TBC1D19: variants seen among roughly 807,000 people sequenced by gnomAD.
The protein encoded by TBC1D19 is TBC1 domain family, member 19.
TBC1D19 carries 60 observed loss-of-function variants against 89.0 expected under a neutral mutation model. The ratio of observed to expected loss-of-function variants is 0.67; its 90% CI spans 0.55 to 0.84. The LOEUF is 0.84. Ranked by LOEUF, TBC1D19 falls within the 40% of genes least tolerant of loss-of-function variation. TBC1D19 has a pLI of 0.00. For synonymous variants in TBC1D19, 189 were observed against 199.7 expected, an observed-to-expected ratio of 0.95 and a Z score of 0.45; for missense variants, 500 against 610.8, an observed-to-expected ratio of 0.82 and a Z score of 1.91.
chr4:26,588,314 C>T (rs552468461), intron 1 of TBC1D19, among the ~76,000 whole-genome samples: 8 of 152,226 alleles, frequency 5.3e-5, no homozygotes, highest in South Asian at 4.1e-4. Flanking sequence ...CATAAGCCAC[C>T]GCACCTGGCC....
At chr4:26,817,021 A>G in the TBC1D19 span, among the ~76,000 whole-genome samples, 1 of 152,176 alleles carries the variant, frequency 6.6e-6, no homozygotes, top group African/African-American at 2.4e-5. Flanking sequence ...TCACTATGCT[A>G]CTTTAGTAGG....
intron 4 of TBC1D19, among the ~76,000 whole-genome samples, chr4:26,626,521 T>G (rs529838926): frequency 2.4e-4 from 36 of 152,244 alleles, no homozygotes; most frequent in African/African-American, 8.4e-4. Context: ...AGTTCTCACT[T>G]TACAAAATGA....
intron 13 of TBC1D19, among the ~76,000 whole-genome samples, chr4:26,709,047 T>C (rs1470196557): frequency 6.6e-6 from 1 of 151,924 alleles, no homozygotes; most frequent in Non-Finnish European, 1.5e-5. Flanking sequence ...TGTGATCTTG[T>C]TGTTGTTGTT....
intron 13 of TBC1D19, among the ~76,000 whole-genome samples, chr4:26,693,852 G>A (rs990438939): frequency 6.6e-6 from 1 of 152,184 alleles, no homozygotes; most frequent in Non-Finnish European, 1.5e-5. Context: ...GGACTCAAAA[G>A]TATATTTGAA....
the TBC1D19 span, among the ~76,000 whole-genome samples, chr4:26,767,893 A>C: frequency 6.6e-6 from 1 of 152,174 alleles, no homozygotes; most frequent in Non-Finnish European, 1.5e-5. Context: ...AGTTGCCCTA[A>C]CTTGCTGCCT....
At chr4:26,754,100 A>C (rs1719133334) in intron 20 of TBC1D19, 1 of 513,336 alleles carries the variant, frequency 1.9e-6, no homozygotes, top group Non-Finnish European at 3.5e-6. Flanking sequence ...AGTAATAAAC[A>C]AGATTATTAT....
the TBC1D19 span, among the ~76,000 whole-genome samples, chr4:26,851,163 C>G: frequency 1.3e-5 from 2 of 152,180 alleles, no homozygotes; most frequent in African/African-American, 4.8e-5. Flanking sequence ...TTGAGTTACG[C>G]CATTGACTTC....
At chr4:26,818,535 T>A in the TBC1D19 span, among the ~76,000 whole-genome samples, 2 of 152,180 alleles carry the variant, frequency 1.3e-5, no homozygotes, top group Non-Finnish European at 2.9e-5. Flanking sequence ...GGATTACAGA[T>A]GTGAGCCACC....
At chr4:26,707,721 A>G (rs1715849347) in intron 13 of TBC1D19, among the ~76,000 whole-genome samples, 1 of 151,640 alleles carries the variant, frequency 6.6e-6, no homozygotes, top group South Asian at 2.1e-4. Flanking sequence ...TTCCACAGCT[A>G]TTTTCTTTGT....
chr4:26,687,568 A>G (rs1045575852), intron 12 of TBC1D19, among the ~76,000 whole-genome samples: 5 of 152,128 alleles, frequency 3.3e-5, no homozygotes, highest in Non-Finnish European at 7.4e-5. Flanking sequence ...GTACCTATAT[A>G]CTTATGAATT....
chr4:26,753,943 A>G (rs750954723), intron 20 of TBC1D19, 53 bp downstream of exon 20: 3 of 1,602,830 alleles, frequency 1.9e-6, no homozygotes, highest in Non-Finnish European at 2.6e-6. Flanking sequence ...AGAGATTGCC[A>G]GGCTGTCATT....
intron 8 of TBC1D19, among the ~76,000 whole-genome samples, chr4:26,660,794 G>A (rs1267397275): frequency 6.6e-6 from 1 of 152,280 alleles, no homozygotes; most frequent in South Asian, 2.1e-4. Context: ...CTCTACAGAG[G>A]TATGAATCTC....
intron 15 of TBC1D19, among the ~76,000 whole-genome samples, chr4:26,723,691 A>G (rs1486927187): frequency 6.6e-6 from 1 of 152,188 alleles, no homozygotes; most frequent in East Asian, 1.9e-4. Context: ...GAAGAATTTT[A>G]TAAGCTTTTT....
chr4:26,587,757 C>A (rs1310453718), intron 1 of TBC1D19, among the ~76,000 whole-genome samples: 1 of 151,554 alleles, frequency 6.6e-6, no homozygotes, highest in Admixed American at 6.6e-5. Context: ...GAGTTCCCAG[C>A]AAAGTCACTG....
intron 1 of TBC1D19, among the ~76,000 whole-genome samples, chr4:26,603,205 G>A (rs1344763997): frequency 6.6e-6 from 1 of 152,104 alleles, no homozygotes; most frequent in Non-Finnish European, 1.5e-5. Context: ...TGATGGAATC[G>A]CAATACTTAC....
At chr4:26,767,175 A>C in the TBC1D19 span, among the ~76,000 whole-genome samples, 9 of 152,194 alleles carry the variant, frequency 5.9e-5, no homozygotes, top group Non-Finnish European at 8.8e-5. Flanking sequence ...ATTTCAGTCA[A>C]CTGATTAATA....
intron 8 of TBC1D19, 108 bp from the exon 9 acceptor site, chr4:26,666,225 T>C (rs1321588412): frequency 1.2e-6 from 1 of 853,608 alleles, no homozygotes. Flanking sequence ...CAAAGCCTCA[T>C]TTCACACTGT....
chr4:26,719,378 A>G (rs1038330345), intron 14 of TBC1D19, among the ~76,000 whole-genome samples: 5 of 152,104 alleles, frequency 3.3e-5, no homozygotes, highest in Non-Finnish European at 7.4e-5. Flanking sequence ...AACTAAAAAT[A>G]TTACTCTTAG....
chr4:26,808,383 C>G, the TBC1D19 span, among the ~76,000 whole-genome samples: 1 of 152,080 alleles, frequency 6.6e-6, no homozygotes, highest in East Asian at 1.9e-4. Context: ...CTAAGATATT[C>G]CCACTTTAGG....
Sources: allele counts gnomAD v4.1 joint callset (sites outside exome capture counted in the v4.1 genomes callset), GRCh38; gene constraint gnomAD v4.1.1; transcripts MANE v1.5; gene names NCBI Gene and HGNC (gene_info 2026-07-23, HGNC 2026-07-21).